ZNF827: variants seen among roughly 807,000 people sequenced by gnomAD.
ZNF827 encodes the protein zinc finger protein 827.
In ZNF827, 13 loss-of-function variants were observed where a neutral mutation model predicts 102.4. The ratio of observed to expected loss-of-function variants is 0.13; its 90% confidence interval spans 0.08 to 0.20. The LOEUF is 0.20. ZNF827 is among the 10% of genes least tolerant of loss of function. The pLI, the probability that ZNF827 is intolerant of heterozygous loss-of-function variation, is 1.00. For missense variants in ZNF827, 1,103 were observed against 1,344.4 expected (o/e 0.82, Z 2.81); for synonymous variants, 523 against 536.2 (o/e 0.98, Z 0.34).
rs146252489 is a variant in ZNF827 at position 145,902,763 on chromosome 4, G to C, written c.496C>G (p.Leu166Val). The C allele has an allele frequency of 4.2e-5, 67 of 1,613,998 alleles. No individual in the cohort carries two copies. The highest frequency in any genetic ancestry group is 5.7e-5 in the Non-Finnish European group (67 of 1,180,024). The stretch of plus-strand genomic sequence containing the variant: ...GCCAACTTCCTGGCCAGAACACTGA[G>C]CTGCTGGGCGTGGTGGGAAGGCGGG... Reference protein sequence around the residue: ...FSPPSHHAQQLSVLARKLAEK... With the variant: ...FSPPSHHAQQVSVLARKLAEK... Residue 166 changes from leucine to valine, a missense_variant, in exon 2 of 15, where the codon CTC becomes GTC. By Grantham distance (32) the Leu-to-Val change is conservative (BLOSUM62 1). Around this residue, in one of 5 missense-constraint regions of ZNF827, gnomAD observed 441 missense variants for 458.6 expected, o/e 0.96. Transcript: ENST00000508784. This position sits in a 1 kb window ranked among gnomAD's most constrained non-coding sequence, Gnocchi z 4.3.
chr4:145,789,908 T>C (rs1246612265), intron 8 of ZNF827, among the ~76,000 whole-genome samples: 1 of 152,268 alleles, frequency 6.6e-6, no homozygotes, highest in East Asian at 1.9e-4. Context: ...ATTTGGAGGC[T>C]CTGCCTCTTT....
intron 5 of ZNF827, among the ~76,000 whole-genome samples, chr4:145,853,202 T>A (rs1561000662): frequency 6.6e-6 from 1 of 152,176 alleles, no homozygotes; most frequent in East Asian, 1.9e-4. Flanking sequence ...GTTACATACC[T>A]CATTTGGTCC....
At chr4:145,889,388 A>G (rs969295079) in intron 3 of ZNF827, among the ~76,000 whole-genome samples, 4 of 152,294 alleles carry the variant, frequency 2.6e-5, no homozygotes, top group African/African-American at 7.2e-5. Flanking sequence ...TAACAACCCC[A>G]TGAGACAGAC....
intron 1 of ZNF827, among the ~76,000 whole-genome samples, chr4:145,918,413 T>TAA (rs1372163279): frequency 2.3e-5 from 2 of 87,590 alleles, no homozygotes; most frequent in East Asian, 7.0e-4. Flanking sequence ...TTTCTTTATA[T>TAA]ATAAAAAAAA....
intron 1 of ZNF827, among the ~76,000 whole-genome samples, chr4:145,910,069 C>T (rs1752166580): frequency 6.6e-6 from 1 of 152,076 alleles, no homozygotes; most frequent in South Asian, 2.1e-4. Flanking sequence ...TGTCACCAGT[C>T]CAGCTAGGGA....
rs11729281 is a variant in ZNF827 at position 145,896,299 on chromosome 4, T to A, written c.1094-3884A>T. Among the ~76,000 whole-genome samples the A allele has an allele frequency of 8.4e-3, 1,282 of 152,306 alleles. 9 individuals carry two copies. Among genetic ancestry groups the A allele is most frequent in the Non-Finnish European group, 0.013 (882 of 68,016 alleles). On this transcript the variant is annotated intron_variant, in intron 2 of 14. Transcript: ENST00000508784. Reference sequence around the variant, plus strand: ...GAGCTTGGCCCAACGTTGTAGTTTGTCACTGGAGCCAATATGAAACAAATA... The same window carrying A: ...GAGCTTGGCCCAACGTTGTAGTTTGACACTGGAGCCAATATGAAACAAATA...
At chr4:145,915,978 G>C (rs1752638490) in intron 1 of ZNF827, among the ~76,000 whole-genome samples, 1 of 152,240 alleles carries the variant, frequency 6.6e-6, no homozygotes, top group African/African-American at 2.4e-5. Flanking sequence ...TACATCTTAA[G>C]ATGCCAGAAT....
In ZNF827 at chr4:145,768,907, AT is replaced by A. The variant is rs1359127126; in HGVS notation, c.2861-3170del. ...AAAAAAAAAATATATATATATATAT[AT>A]ATATATATTAGGTATACAAAGTTTG... On this transcript the variant is annotated intron_variant, in intron 11 of 14. Coordinates refer to ENST00000508784, the MANE Select transcript of ZNF827 (RefSeq NM_001306215.2). 2.7e-3 allele frequency among the ~76,000 whole-genome samples: 101 copies of A among 37,312 alleles called. 15 individuals carry two copies. The highest frequency in any genetic ancestry group is 4.4e-3 in the Non-Finnish European group (71 of 16,204). The allele number at this position is 37,312 out of a possible 152,430, so 24.5% of individuals were successfully genotyped here. A position where few individuals can be genotyped will look rare whatever the true frequency, so the allele number is the denominator to read the frequency against.
At chr4:145,802,964 A>G (rs1423576648) in intron 8 of ZNF827, among the ~76,000 whole-genome samples, 2 of 152,172 alleles carry the variant, frequency 1.3e-5, no homozygotes. Context: ...GTGAAATAAA[A>G]TAGGATAGAT....
intron 9 of ZNF827, among the ~76,000 whole-genome samples, chr4:145,778,219 C>T (rs542352961): frequency 6.6e-6 from 1 of 152,222 alleles, no homozygotes; most frequent in South Asian, 2.1e-4. Flanking sequence ...CTGCAACTTC[C>T]ACCTCCTGGG....
At chr4:145,770,026 CG>C (rs1461867682) in intron 11 of ZNF827, among the ~76,000 whole-genome samples, 1 of 152,074 alleles carries the variant, frequency 6.6e-6, no homozygotes, top group Non-Finnish European at 1.5e-5. Context: ...GGCTGGGTGC[CG>C]TGGCTCACGC....
At chr4:145,821,451 CTG>C (rs1483764635) in intron 8 of ZNF827, among the ~76,000 whole-genome samples, 2 of 152,208 alleles carry the variant, frequency 1.3e-5, no homozygotes, top group African/African-American at 4.8e-5. Flanking sequence ...CCTTACAAAA[CTG>C]TCTTCAGATT....
chr4:145,761,464 G>A lies in ZNF827; in HGVS notation c.*152C>T, dbSNP rs958451744. The stretch of plus-strand genomic sequence containing the variant: ...GTGGTTGCCCAGGCGGTGCTCCCGG[G>A]TGTGCGTCTCCAGCTCCAGCTGGTT... On this transcript the variant is annotated 3_prime_UTR_variant, in exon 15 of 15. Transcript: ENST00000508784. This position sits in a 1 kb window ranked among gnomAD's most constrained non-coding sequence, Gnocchi z 6.8. 2 of 1,289,722 alleles carry A rather than the reference G, an allele frequency of 1.6e-6. No homozygotes were observed. Among genetic ancestry groups the A allele is most frequent in the Non-Finnish European group, 2.0e-6 (2 of 988,874 alleles). 79.9% of individuals were successfully genotyped at this position (1,289,722 alleles called of 1,614,324 possible).
At chr4:145,773,707 C>A (rs1228920450) in intron 11 of ZNF827, among the ~76,000 whole-genome samples, 1 of 152,220 alleles carries the variant, frequency 6.6e-6, no homozygotes, top group Admixed American at 6.5e-5. Context: ...GCTTAAATAA[C>A]AGGCGAGCAC....
intron 6 of ZNF827, 26 bp downstream of exon 6, chr4:145,849,296 T>A (rs1267539491): frequency 1.3e-6 from 2 of 1,595,884 alleles, no homozygotes; most frequent in Non-Finnish European, 1.7e-6. Context: ...TTCCAATAAT[T>A]GACATTTTCC....
intron 1 of ZNF827, among the ~76,000 whole-genome samples, chr4:145,908,492 C>A (rs1283878759): frequency 6.6e-6 from 1 of 152,206 alleles, no homozygotes; most frequent in Non-Finnish European, 1.5e-5. Context: ...TAAGTTTTCC[C>A]TTTCCTACTA....
At chr4:145,776,184 C>G (rs571778758) in intron 9 of ZNF827, among the ~76,000 whole-genome samples, 2 of 152,258 alleles carry the variant, frequency 1.3e-5, no homozygotes, top group South Asian at 4.1e-4. Context: ...CGGCTGGGCA[C>G]TGTGGCTCAC....
Position 145,765,313 on chromosome 4 carries a change from C to T in ZNF827, c.3053-148G>A. ...AGGCACTGTTCCCCATATCTCTGTG[C>T]TAAAAGGAGTTAAATGTACAAACAT... On this transcript the variant is annotated intron_variant, in intron 12 of 14. Transcript: ENST00000508784. This position sits in a 1 kb window ranked among gnomAD's most constrained non-coding sequence, Gnocchi z 4.7. 9.8e-7 allele frequency: 1 copy of T among 1,018,464 alleles called. No individual in the cohort carries two copies. The highest frequency in any genetic ancestry group is 2.9e-5 in the Admixed American group (1 of 34,112). 63.1% of individuals were successfully genotyped at this position (1,018,464 alleles called of 1,614,324 possible).
intron 11 of ZNF827, among the ~76,000 whole-genome samples, chr4:145,774,207 A>C (rs1293144341): frequency 1.3e-5 from 2 of 152,162 alleles, no homozygotes; most frequent in Non-Finnish European, 2.9e-5. Flanking sequence ...GGGGCATTGA[A>C]AGACTGTCAC....
Sources: gnomAD v4.1 joint callset for allele counts (sites outside exome capture counted in the v4.1 genomes callset) on GRCh38, gnomAD v4.1.1 for gene constraint, gnomAD v4.1.1 regional missense constraint, Gnocchi (gnomAD v3.1) non-coding constraint, MANE v1.5 for transcripts, NCBI Gene and HGNC (gene_info 2026-07-23, HGNC 2026-07-21) for gene names.